The following ADAMTSL1 variants were observed in gnomAD, a reference collection of about 807,000 sequenced individuals.
ADAMTSL1 encodes the protein ADAMTS like 1, also known as ADAMTS-like protein 1.
In ADAMTSL1, 126 loss-of-function variants were observed where a neutral mutation model predicts 201.8. That is an observed-to-expected ratio of 0.62 (90% CI 0.54 to 0.72). The LOEUF is 0.72. Among genes scored for constraint, ADAMTSL1 ranks in the 30% least tolerant of loss-of-function variants. The pLI is 0.00. For missense variants in ADAMTSL1, 2,679 were observed against 2,277.8 expected (o/e 1.18, Z -3.59); for synonymous variants, 1,121 against 903.4 (o/e 1.24, Z -4.32).
chr9:18,768,166 C>T (rs1266448224), intron 16 of ADAMTSL1, among the ~76,000 whole-genome samples: 3 of 152,228 alleles, frequency 2.0e-5, no homozygotes, highest in African/African-American at 7.2e-5. Context: ...AATTGAATGG[C>T]AAAGCCCAGT....
At chr9:18,804,054 C>T (rs1302006849) in intron 20 of ADAMTSL1, among the ~76,000 whole-genome samples, 1 of 152,160 alleles carries the variant, frequency 6.6e-6, no homozygotes, top group Non-Finnish European at 1.5e-5. Flanking sequence ...GAACCTCTTT[C>T]CCGTTATAAA....
intron 15 of ADAMTSL1, among the ~76,000 whole-genome samples, chr9:18,743,262 G>A (rs1818945188): frequency 6.6e-6 from 1 of 152,154 alleles, no homozygotes; most frequent in Admixed American, 6.5e-5. Flanking sequence ...GAAGGCTGAA[G>A]ACACTTTATA....
chr9:18,822,533 G>C (rs1282457057), intron 21 of ADAMTSL1, among the ~76,000 whole-genome samples: 1 of 152,168 alleles, frequency 6.6e-6, no homozygotes, highest in East Asian at 1.9e-4. Context: ...ATCTCAGTTT[G>C]AATCCCCACC....
chr9:18,192,265 A>G (rs1332212873), intron 2 of ADAMTSL1, among the ~76,000 whole-genome samples: 6 of 152,150 alleles, frequency 3.9e-5, no homozygotes, highest in African/African-American at 1.4e-4. Flanking sequence ...TTTGATATTG[A>G]AAACATCACC....
chr9:18,843,063 C>A (rs1418312558), intron 23 of ADAMTSL1, among the ~76,000 whole-genome samples: 3 of 151,736 alleles, frequency 2.0e-5, no homozygotes, highest in South Asian at 2.1e-4. Flanking sequence ...ATGTGTGAAT[C>A]TGATCCTGTC....
intron 1 of ADAMTSL1, among the ~76,000 whole-genome samples, chr9:17,960,499 T>C (rs1377654597): frequency 2.0e-5 from 3 of 152,176 alleles, no homozygotes; most frequent in South Asian, 2.1e-4. Flanking sequence ...AACTCCACCA[T>C]TGACTGTGTG....
At chr9:18,097,128 C>T (rs1563998405) in intron 1 of ADAMTSL1, among the ~76,000 whole-genome samples, 1 of 152,178 alleles carries the variant, frequency 6.6e-6, no homozygotes, top group Non-Finnish European at 1.5e-5. Flanking sequence ...ATCCCCATTG[C>T]AAGCCAACAT....
chr9:18,712,061 A>T, intron 14 of ADAMTSL1, among the ~76,000 whole-genome samples: 1 of 151,308 alleles, frequency 6.6e-6, no homozygotes, highest in Non-Finnish European at 1.5e-5. Context: ...GAAAACTAAC[A>T]AACAGAAAGG....
intron 1 of ADAMTSL1, among the ~76,000 whole-genome samples, chr9:18,162,529 A>C (rs1827439078): frequency 6.6e-6 from 1 of 151,996 alleles, no homozygotes; most frequent in Non-Finnish European, 1.5e-5. Context: ...CAGAATTTTA[A>C]GTTTAATTAA....
At position 18,269,845 on chromosome 9, in the gene ADAMTSL1, C is replaced by CTT. The variant is rs11376831; in HGVS notation, c.207+105878_207+105879dup. 1.3e-3 allele frequency among the ~76,000 whole-genome samples: 190 copies of CTT among 145,546 alleles called. 1 individual carries two copies. The highest frequency in any genetic ancestry group is 1.6e-3 in the Non-Finnish European group (106 of 66,468). On this transcript the variant is annotated intron_variant, in intron 2 of 29. Transcript: ENST00000680146. The stretch of plus-strand genomic sequence containing the variant: ...GCAGAGAGTTTGTTTCCTCTTCATC[C>CTT]TTTTTTTTTTTTTTTAATTTGTGCA...
intron 1 of ADAMTSL1, among the ~76,000 whole-genome samples, chr9:18,477,123 G>A (rs576003322): frequency 4.9e-4 from 74 of 152,148 alleles, no homozygotes; most frequent in African/African-American, 1.4e-3. Flanking sequence ...CTGCTTTCTC[G>A]TATTTATTCT....
intron 1 of ADAMTSL1, among the ~76,000 whole-genome samples, chr9:18,018,546 C>T (rs565878759): frequency 1.3e-5 from 2 of 152,178 alleles, no homozygotes; most frequent in South Asian, 4.1e-4. Context: ...CCCTCACTCA[C>T]CCTTTGATTG....
chr9:18,278,299 T>C (rs889903863), intron 2 of ADAMTSL1, among the ~76,000 whole-genome samples: 1 of 152,224 alleles, frequency 6.6e-6, no homozygotes, highest in Non-Finnish European at 1.5e-5. Flanking sequence ...TCGTTTTAAC[T>C]TGAATAATTC....
intron 4 of ADAMTSL1, among the ~76,000 whole-genome samples, chr9:18,580,371 G>C (rs935737005): frequency 6.6e-6 from 1 of 152,130 alleles, no homozygotes; most frequent in Non-Finnish European, 1.5e-5. Flanking sequence ...CTCCATCTCT[G>C]TCTGTGACCT....
At chr9:18,645,262 G>C (rs146551666) in intron 7 of ADAMTSL1, among the ~76,000 whole-genome samples, 7,050 of 152,188 alleles carry the variant, frequency 0.046, 212 homozygotes, top group Middle Eastern at 0.12. Flanking sequence ...AAATTTGTTT[G>C]AGTTCATTGT....
intron 23 of ADAMTSL1, among the ~76,000 whole-genome samples, chr9:18,845,695 C>T (rs1236412323): frequency 6.6e-6 from 1 of 152,256 alleles, no homozygotes; most frequent in Non-Finnish European, 1.5e-5. Context: ...GCAGTTCAGA[C>T]ATCCCTGCTA....
At position 18,012,304 on chromosome 9, in the gene ADAMTSL1, G is replaced by C. The variant is rs866561954; in HGVS notation, c.87+105382G>C. The stretch of plus-strand genomic sequence containing the variant: ...TTTATGAAAAAGTTGCTGCTTTCCA[G>C]GGTTTCTGGTGTGTGCATTCCAAGC... On this transcript the variant is annotated intron_variant, in intron 1 of 29. Transcript: ENST00000680146. Among the ~76,000 whole-genome samples, 55 of 152,014 alleles carry C rather than the reference G, an allele frequency of 3.6e-4. 1 individual carries two copies. Among genetic ancestry groups the C allele is most frequent in the African/African-American group, 1.3e-3 (53 of 41,422 alleles).
chr9:18,343,021 GTTTTT>G (rs1835537497), intron 2 of ADAMTSL1, among the ~76,000 whole-genome samples: 1 of 151,238 alleles, frequency 6.6e-6, no homozygotes, highest in Non-Finnish European at 1.5e-5. Flanking sequence ...AAAAATGTGG[GTTTTT>G]TTGTTTTGTT....
At chr9:18,891,137 C>T (rs1829239314) in intron 25 of ADAMTSL1, among the ~76,000 whole-genome samples, 1 of 125,330 alleles carries the variant, frequency 8.0e-6, no homozygotes, top group Non-Finnish European at 1.8e-5. Context: ...CTCCCCTTCC[C>T]TGCTACATGC....
Sources: allele counts gnomAD v4.1 joint callset (sites outside exome capture counted in the v4.1 genomes callset), GRCh38; gene constraint gnomAD v4.1.1; transcripts MANE v1.5; gene names NCBI Gene and HGNC (gene_info 2026-07-23, HGNC 2026-07-21).